NWD1: variants seen among roughly 807,000 people sequenced by gnomAD.
NWD1 encodes the protein NACHT and WD repeat domain containing 1.
In NWD1, 129 loss-of-function variants were observed where a neutral mutation model predicts 135.1. That is an observed-to-expected ratio of 0.96 (90% CI 0.83 to 1.11). NWD1 has a LOEUF of 1.11. Among genes scored for constraint, NWD1 ranks in the 50% least tolerant of loss-of-function variants. The pLI, the probability that NWD1 is intolerant of heterozygous loss-of-function variation, is 0.00. For synonymous variants in NWD1, 773 were observed against 786.0 expected, an observed-to-expected ratio of 0.98 and a Z score of 0.28; for missense variants, 1,740 against 1,851.3, an observed-to-expected ratio of 0.94 and a Z score of 1.10.
intron 17 of NWD1, among the ~76,000 whole-genome samples, chr19:16,805,643 C>G (rs1002933022): frequency 6.6e-6 from 1 of 152,090 alleles, no homozygotes; most frequent in Non-Finnish European, 1.5e-5. Context: ...CTCTCCATTT[C>G]CTTGGGCCCT....
Position 16,744,531 on chromosome 19 carries a change from G to A in NWD1, c.309G>A (p.Leu103=). ...HLTARPSDLE[L]VARYFQRDEN... is the part of the protein sequence containing the mutation. ...CTGCCAGGCCAAGTGACCTGGAGCT[G>A]GTGGCACGATACTTCCAGAGGGACG... The change falls in exon 5 of 19, where the codon CTG becomes CTA. Residue 103 remains leucine (L), a synonymous_variant. Coordinates refer to ENST00000524140, the MANE Select transcript of NWD1 (RefSeq NM_001007525.5). 1 of 1,536,074 alleles carries A rather than the reference G, an allele frequency of 6.5e-7. No homozygotes were observed. Among genetic ancestry groups the A allele is most frequent in the Non-Finnish European group, 8.7e-7 (1 of 1,146,890 alleles).
chr19:16,805,507 T>A (rs140941028), intron 17 of NWD1, among the ~76,000 whole-genome samples: 1 of 152,156 alleles, frequency 6.6e-6, no homozygotes, highest in Non-Finnish European at 1.5e-5. Flanking sequence ...TTTTTTAATG[T>A]TTTTGCAGAG....
chr19:16,799,637 G>A (rs1157707264), intron 16 of NWD1, among the ~76,000 whole-genome samples: 1 of 152,034 alleles, frequency 6.6e-6, no homozygotes, highest in Non-Finnish European at 1.5e-5. Flanking sequence ...CTCCTGAGTA[G>A]CTGGGATTAC....
intron 10 of NWD1, among the ~76,000 whole-genome samples, chr19:16,771,717 G>A (rs1033566349): frequency 8.5e-5 from 13 of 152,150 alleles, no homozygotes; most frequent in Middle Eastern, 6.8e-3. Flanking sequence ...AGGAACAAAT[G>A]TTATCACCAG....
chr19:16,724,533 G>A (rs1347989760), intron 2 of NWD1, 70 bp downstream of exon 2: 1 of 152,070 alleles, frequency 6.6e-6, no homozygotes, highest in Non-Finnish European at 1.5e-5. Context: ...CAGGATTCAG[G>A]TCGCCAGGGC....
intron 14 of NWD1, among the ~76,000 whole-genome samples, chr19:16,793,163 C>T (rs555448976): frequency 1.3e-5 from 2 of 152,240 alleles, no homozygotes; most frequent in South Asian, 4.1e-4. Context: ...TCTCAAGGTA[C>T]CAAATACAAC....
At chr19:16,754,151 A>G (rs539518238) in intron 6 of NWD1, among the ~76,000 whole-genome samples, 6 of 149,676 alleles carry the variant, frequency 4.0e-5, no homozygotes, top group Middle Eastern at 3.5e-3. Flanking sequence ...CCATCCGTCC[A>G]TCATCTCTAT....
chr19:16,784,166 C>CT (rs1215995456), intron 12 of NWD1, among the ~76,000 whole-genome samples: 3 of 151,454 alleles, frequency 2.0e-5, no homozygotes, highest in African/African-American at 7.3e-5. Flanking sequence ...GATCATGCCA[C>CT]TGCACTCCAG....
chr19:16,765,277 A>G, intron 10 of NWD1, 85 bp downstream of exon 10: 1 of 1,281,328 alleles, frequency 7.8e-7, no homozygotes, highest in South Asian at 1.4e-5. Flanking sequence ...CATGAGCTGG[A>G]TTTTCATCAA....
Position 16,817,814 on chromosome 19 carries a change from C to A in NWD1, c.*2775C>A, listed in dbSNP as rs1343407210. ...GCAGAAATAAAGTAGATGTTGAGAC[C>A]AATTAAGATTTCACCTACAAATTCT... On this transcript the variant is annotated 3_prime_UTR_variant, in exon 19 of 19. Coordinates refer to ENST00000524140, the MANE Select transcript of NWD1 (RefSeq NM_001007525.5). 1 of 152,062 alleles carries A rather than the reference C, an allele frequency of 6.6e-6. No homozygotes were observed. The highest frequency in any genetic ancestry group is 1.5e-5 in the Non-Finnish European group (1 of 68,014). 9.4% of individuals were successfully genotyped at this position (152,062 alleles called of 1,614,324 possible).
chr19:16,779,461 C>T lies in NWD1; in HGVS notation c.2727C>T (p.His909=), dbSNP rs1395470345. ...EQHVIHMLTG[H]TGEVRCVKIF... ...ATGTGATCCACATGCTAACTGGACA[C>T]ACAGGTGAGACTTGGGAAGTGGGCT... Residue 909 remains histidine (H), a synonymous_variant, in exon 12 of 19, where the codon CAC becomes CAT. Coordinates refer to ENST00000524140, the MANE Select transcript of NWD1 (RefSeq NM_001007525.5). 6.2e-7 allele frequency: 1 copy of T among 1,613,004 alleles called. No individual in the cohort carries two copies. The highest frequency in any genetic ancestry group is 1.7e-4 in the Middle Eastern group (1 of 6,058).
At chr19:16,798,870 G>A (rs111348830) in intron 16 of NWD1, among the ~76,000 whole-genome samples, 78 of 151,936 alleles carry the variant, frequency 5.1e-4, no homozygotes, top group African/African-American at 1.8e-3. Flanking sequence ...CAGGTGATCA[G>A]CTGCCTTGGC....
chr19:16,759,003 CAAAAAAAAAAAAAAA>C (rs58283462), intron 6 of NWD1, among the ~76,000 whole-genome samples: 1 of 74,928 alleles, frequency 1.3e-5, no homozygotes, highest in Non-Finnish European at 2.5e-5. Flanking sequence ...AACTCTGTCT[CAAAAAAAAAAAAAAA>C]AAAAAAAAAA....
chr19:16,725,533 T>C lies in NWD1; in HGVS notation c.-7+1070T>C, dbSNP rs183411095. ...TAACTAGCTAGAGTTTATTTATTTATTTAATTTTATTGTTCATTTATTTAT... is the reference window on the plus strand; with the variant it reads ...TAACTAGCTAGAGTTTATTTATTTACTTAATTTTATTGTTCATTTATTTAT... On this transcript the variant is annotated intron_variant, in intron 2 of 18. Transcript: ENST00000524140. 1.9e-4 allele frequency among the ~76,000 whole-genome samples: 29 copies of C among 152,132 alleles called. No homozygotes were observed. The East Asian group carries it at 4.8e-3, about 25-fold the overall frequency.
intron 11 of NWD1, among the ~76,000 whole-genome samples, chr19:16,778,494 C>CTTTTT (rs11307621): frequency 6.5e-5 from 7 of 107,468 alleles, no homozygotes; most frequent in African/African-American, 9.5e-5. Context: ...TCTTCTTCTT[C>CTTTTT]TTTTTTTTTT....
intron 18 of NWD1, among the ~76,000 whole-genome samples, chr19:16,808,678 G>A (rs1970831222): frequency 6.6e-6 from 1 of 151,990 alleles, no homozygotes; most frequent in African/African-American, 2.4e-5. Context: ...CACAATCATA[G>A]CTCATTGCAG....
intron 8 of NWD1, among the ~76,000 whole-genome samples, chr19:16,762,887 C>T (rs902543095): frequency 2.6e-5 from 4 of 152,064 alleles, no homozygotes; most frequent in East Asian, 1.9e-4. Context: ...CAGGTTCAAG[C>T]GATTCTCCCA....
At chr19:16,809,476 C>A (rs1156543785) in intron 18 of NWD1, among the ~76,000 whole-genome samples, 2 of 151,894 alleles carry the variant, frequency 1.3e-5, no homozygotes, top group Non-Finnish European at 2.9e-5. Context: ...TGGATCAAAT[C>A]CTGCACTGGC....
rs749636336 is a variant in NWD1, at chr19:16,791,621, T to C, written c.3212T>C (p.Leu1071Ser). Reference sequence around the variant, plus strand: ...GGGTTTAGCAATGGCTCCATCTCTTTGGTAAGCACCTTTACTGACTATGAT... The same window carrying C: ...GGGTTTAGCAATGGCTCCATCTCTTCGGTAAGCACCTTTACTGACTATGAT... ...VTGFSNGSIS[L>S]VSSKGDRLLE... The change falls in exon 14 of 19, where the codon TTG (leucine) becomes TCG (serine). Residue 1071 changes from leucine to serine, a missense_variant and splice_region_variant. Physicochemically the swap from Leu to Ser is moderately radical, Grantham distance 145. Coordinates refer to ENST00000524140, the MANE Select transcript of NWD1 (RefSeq NM_001007525.5). The C allele has an allele frequency of 2.5e-6, 4 of 1,613,988 alleles. No homozygotes were observed.
Sources: gnomAD v4.1 joint callset for allele counts (sites outside exome capture counted in the v4.1 genomes callset) on GRCh38, gnomAD v4.1.1 for gene constraint, MANE v1.5 for transcripts, NCBI Gene and HGNC (gene_info 2026-07-23, HGNC 2026-07-21) for gene names.